The following LNX1 variants were observed in gnomAD, a reference collection of about 807,000 sequenced individuals.
The protein encoded by LNX1 is E3 ubiquitin-protein ligase LNX.
LNX1 carries 54 observed loss-of-function variants against 68.4 expected under a neutral mutation model. The ratio of observed to expected loss-of-function variants is 0.79; its 90% confidence interval spans 0.63 to 0.99. The LOEUF is 0.99. Ranked by LOEUF, LNX1 falls within the 50% of genes least tolerant of loss-of-function variation. The pLI is 0.00. For missense variants in LNX1, 906 were observed against 926.4 expected (o/e 0.98, Z 0.29); for synonymous variants, 336 against 350.0 (o/e 0.96, Z 0.45).
chr4:53,637,557 C>A (rs2109880394), intron 1 of LNX1, among the ~76,000 whole-genome samples: 1 of 152,228 alleles, frequency 6.6e-6, no homozygotes, highest in East Asian at 1.9e-4. Context: ...TGTAGCATTG[C>A]TCAATCCCCA....
At chr4:53,646,003 T>C (rs79625021) in intron 1 of LNX1, among the ~76,000 whole-genome samples, 17,436 of 152,232 alleles carry the variant, frequency 0.11, 1,163 homozygotes, top group Non-Finnish European at 0.16. Context: ...CTTTATTTAT[T>C]CCTTTCTGAA....
chr4:53,501,299 T>TTTGGGGGGGGGGGG (rs56165716), intron 4 of LNX1, among the ~76,000 whole-genome samples: 1 of 38,792 alleles, frequency 2.6e-5, no homozygotes, highest in Admixed American at 4.0e-4. Context: ...TTTTTTTTTT[T>TTTGGGGGGGGGGGG]GGGGGTGGGG....
chr4:53,578,152 GGC>G (rs1731614819), intron 1 of LNX1, among the ~76,000 whole-genome samples: 1 of 152,124 alleles, frequency 6.6e-6, no homozygotes, highest in Non-Finnish European at 1.5e-5. Context: ...TCTTGATTAT[GGC>G]TAGTCAGAAT....
chr4:53,603,327 C>T (rs9784552), intron 2 of LNX1, among the ~76,000 whole-genome samples: 4,167 of 152,166 alleles, frequency 0.027, 193 homozygotes, highest in African/African-American at 0.095. Context: ...TAAATAAACA[C>T]ACAAATGGAC....
intron 2 of LNX1, among the ~76,000 whole-genome samples, chr4:53,551,632 C>T (rs1245632299): frequency 6.6e-6 from 1 of 152,184 alleles, no homozygotes; most frequent in African/African-American, 2.4e-5. Flanking sequence ...AGGGAAGAAT[C>T]AGGGGAGAAG....
intron 1 of LNX1, among the ~76,000 whole-genome samples, chr4:53,582,288 A>C (rs1199229857): frequency 6.6e-6 from 1 of 152,184 alleles, no homozygotes; most frequent in Admixed American, 6.5e-5. Flanking sequence ...TGATTGTTAC[A>C]CTTGACAGAG....
At chr4:53,576,130 T>G in intron 1 of LNX1, 1 of 1,560,332 alleles carries the variant, frequency 6.4e-7, no homozygotes, top group Non-Finnish European at 8.7e-7. Context: ...CCTCCTTGAT[T>G]CTGTGGCCCA....
At chr4:53,519,785 T>C (rs1262769137) in intron 2 of LNX1, among the ~76,000 whole-genome samples, 1 of 152,174 alleles carries the variant, frequency 6.6e-6, no homozygotes, top group East Asian at 1.9e-4. Context: ...GCAGGATTAT[T>C]ATCCCCAGTT....
At chr4:53,597,125 C>G (rs1229569314) in intron 2 of LNX1, among the ~76,000 whole-genome samples, 1 of 152,180 alleles carries the variant, frequency 6.6e-6, no homozygotes, top group African/African-American at 2.4e-5. Context: ...TGTTGCCAGC[C>G]TCTTTTTCTA....
chr4:53,566,949 C>A (rs1730738820), intron 2 of LNX1, among the ~76,000 whole-genome samples: 2 of 152,168 alleles, frequency 1.3e-5, no homozygotes, highest in Non-Finnish European at 2.9e-5. Flanking sequence ...AGCTAACTAT[C>A]CTAAATATAT....
intron 9 of LNX1, among the ~76,000 whole-genome samples, chr4:53,470,299 C>T (rs907607096): frequency 6.6e-6 from 1 of 152,178 alleles, no homozygotes; most frequent in African/African-American, 2.4e-5. Context: ...AACCTTCATG[C>T]TAAAAACTCT....
At chr4:53,639,159 G>A (rs1380242401) in intron 1 of LNX1, among the ~76,000 whole-genome samples, 2 of 152,134 alleles carry the variant, frequency 1.3e-5, no homozygotes, top group Non-Finnish European at 2.9e-5. Flanking sequence ...CCATGAAAAA[G>A]AACAAAATCA....
intron 1 of LNX1, among the ~76,000 whole-genome samples, chr4:53,640,879 T>TG (rs1734653430): frequency 6.6e-6 from 1 of 152,246 alleles, no homozygotes; most frequent in Admixed American, 6.5e-5. Flanking sequence ...TCGACTCACA[T>TG]GAGCTACTTT....
At chr4:53,502,867 T>G (rs1725602182) in intron 4 of LNX1, among the ~76,000 whole-genome samples, 1 of 152,124 alleles carries the variant, frequency 6.6e-6, no homozygotes, top group African/African-American at 2.4e-5. Flanking sequence ...CTTTATTTGC[T>G]CATCCGTAAG....
chr4:53,472,465 T>C (rs1723266269), intron 9 of LNX1, among the ~76,000 whole-genome samples: 1 of 151,638 alleles, frequency 6.6e-6, no homozygotes, highest in Non-Finnish European at 1.5e-5. Context: ...TGTGCATATG[T>C]ACCCTAAAAC....
In LNX1 at chr4:53,501,299, T is replaced by TGGGGGGG. The variant is rs1553932749; in HGVS notation, c.776-2457_776-2456insCCCCCCC. On this transcript the variant is annotated intron_variant, in intron 4 of 10. Transcript: ENST00000263925. ...TAATAATCTTTTTTTTTTTTTTTTT[T>TGGGGGGG]GGGGGTGGGGGGACAGGATCTCACT... is the stretch of plus-strand genomic sequence containing the variant. Among the ~76,000 whole-genome samples, 113 of 38,678 alleles carry TGGGGGGG rather than the reference T, an allele frequency of 2.9e-3. 3 individuals carry two copies. The highest frequency in any genetic ancestry group is 3.8e-3 in the Non-Finnish European group (54 of 14,330). The allele number at this position is 38,678 out of a possible 152,430, so 25.4% of individuals were successfully genotyped here.
intron 6 of LNX1, among the ~76,000 whole-genome samples, chr4:53,493,879 G>C (rs1180446202): frequency 3.3e-5 from 5 of 152,322 alleles, no homozygotes; most frequent in African/African-American, 1.2e-4. Context: ...CATTCTAGAA[G>C]ATCATGCCAT....
In LNX1 at chr4:53,496,180, A is replaced by G. The variant is rs759196273; in HGVS notation, c.1193T>C (p.Val398Ala). The G allele has an allele frequency of 6.2e-7, 1 of 1,614,056 alleles. No homozygotes were observed. Among genetic ancestry groups the G allele is most frequent in the Non-Finnish European group, 8.5e-7 (1 of 1,179,984 alleles). Residue 398 changes from valine (V) to alanine (A), a missense_variant, in exon 6 of 11, where the codon GTG (valine) becomes GCG (alanine). Transcript: ENST00000263925. ...SPEEQLGIKL[V>A]RKVDEPGVFI... ...AACCCCAGGCTCATCCACCTTGCGCACCAGTTTTATTCCAAGCTGCTCCTC... is the reference window on the plus strand; with the variant it reads ...AACCCCAGGCTCATCCACCTTGCGCGCCAGTTTTATTCCAAGCTGCTCCTC...
chr4:53,574,487 T>G (rs1731364669), intron 1 of LNX1, among the ~76,000 whole-genome samples: 1 of 152,202 alleles, frequency 6.6e-6, no homozygotes, highest in South Asian at 2.1e-4. Flanking sequence ...TGTGATGGCT[T>G]TCTCTTATCT....
Sources: allele counts gnomAD v4.1 joint callset (sites outside exome capture counted in the v4.1 genomes callset), GRCh38; gene constraint gnomAD v4.1.1; transcripts MANE v1.5; gene names NCBI Gene and HGNC (gene_info 2026-07-23, HGNC 2026-07-21).